Variants in DBH observed in about 807,000 individuals in gnomAD.
DBH encodes dopamine beta-hydroxylase.
Under a neutral mutation model 64.0 loss-of-function variants are expected in DBH, and 49 were observed. That is an observed-to-expected ratio of 0.77 (90% CI 0.61 to 0.97). DBH has a LOEUF of 0.97. Among genes scored for constraint, DBH ranks in the 50% least tolerant of loss-of-function variants. The pLI, the probability that DBH is intolerant of heterozygous loss-of-function variation, is 0.00. For missense variants in DBH, 828 were observed against 826.6 expected (o/e 1.00, Z -0.02); for synonymous variants, 343 against 347.1 (o/e 0.99, Z 0.13).
At position 133,656,670 on chromosome 9, in the gene DBH, G is replaced by T; in HGVS notation, c.1562+20G>T. Reference sequence around the variant, plus strand: ...CAACAGGTGAGGGCTCCCTGCACAAGCTCCCTGCCCCCAGGGAACCCCGAC... The same window carrying T: ...CAACAGGTGAGGGCTCCCTGCACAATCTCCCTGCCCCCAGGGAACCCCGAC... On this transcript the variant is annotated intron_variant, in intron 10 of 11. Coordinates refer to ENST00000393056, the MANE Select transcript of DBH (RefSeq NM_000787.4). 6.2e-7 allele frequency: 1 copy of T among 1,610,102 alleles called. No homozygotes were observed.
chr9:133,657,480 G>C lies in DBH; in HGVS notation c.1722+251G>C, dbSNP rs531947898. ...AGAGGGAGAGGGAGAGAGGGAGAGG[G>C]AGAGAGGAGAGAGAGAGGAGAGAGA... On this transcript the variant is annotated intron_variant, in intron 11 of 11. Coordinates refer to ENST00000393056, the MANE Select transcript of DBH (RefSeq NM_000787.4). 3.2e-3 allele frequency among the ~76,000 whole-genome samples: 472 copies of C among 147,722 alleles called. 1 individual carries two copies. The highest frequency in any genetic ancestry group is 0.012 in the African/African-American group (459 of 39,474).
chr9:133,650,055 C>T (rs115560105), intron 6 of DBH, among the ~76,000 whole-genome samples: 219 of 152,338 alleles, frequency 1.4e-3, no homozygotes, highest in African/African-American at 4.9e-3. Context: ...CCCAGAAGAG[C>T]ATAGTCCTCC....
At position 133,636,459 on chromosome 9, in the gene DBH, C is replaced by T. The variant is rs368414868; in HGVS notation, c.88C>T (p.Leu30=). ...GTACAGCACAGCAGTGGCCATCTTC[C>T]TGGTCATCCTGGTGGCCGCACTGCA... The part of the protein sequence containing the change: ...FMYSTAVAIF[L]VILVAALQGS... Residue 30 remains leucine (L), a synonymous_variant, in exon 1 of 12, where the codon CTG becomes TTG. Coordinates refer to ENST00000393056, the MANE Select transcript of DBH (RefSeq NM_000787.4). 1.6e-5 allele frequency: 25 copies of T among 1,612,760 alleles called. No homozygotes were observed. Among genetic ancestry groups the T allele is most frequent in the Non-Finnish European group, 1.9e-5 (22 of 1,179,704 alleles).
chr9:133,639,744 G>T, intron 1 of DBH, 102 bp from the exon 2 acceptor site: 1 of 1,308,410 alleles, frequency 7.6e-7, no homozygotes, highest in Non-Finnish European at 1.1e-6. Flanking sequence ...CCCCAGATCA[G>T]CTGGCAATGA....
intron 5 of DBH, 54 bp downstream of exon 5, chr9:133,644,374 A>G: frequency 9.7e-6 from 14 of 1,448,162 alleles, no homozygotes; most frequent in Non-Finnish European, 1.4e-5. Flanking sequence ...AGCTGTGTTG[A>G]GCCAGTGAGC....
Position 133,647,968 on chromosome 9 carries a change from G to T in DBH, c.1147G>T (p.Ala383Ser). The T allele has an allele frequency of 3.1e-6, 5 of 1,613,774 alleles. No individual in the cohort carries two copies. The highest frequency in any genetic ancestry group is 4.2e-6 in the Non-Finnish European group (5 of 1,179,966). ...PVMAIPPRET[A>S]FILTGYCTDK... Reference sequence around the variant, plus strand: ...GATGGCCATTCCACCACGGGAGACCGCCTTCATCCTCACTGGCTACTGCAC... The same window carrying T: ...GATGGCCATTCCACCACGGGAGACCTCCTTCATCCTCACTGGCTACTGCAC... Residue 383 changes from alanine to serine, a missense_variant, in exon 6 of 12, where the codon GCC becomes TCC. Transcript: ENST00000393056.
rs45439392 is a variant in DBH, at chr9:133,647,848, C to T, written c.1027C>T (p.Arg343Ter). The change falls in exon 6 of 12, where the codon CGA (arginine) becomes TGA (stop). Residue 343 changes from arginine (R) to a stop codon, truncating the protein, a stop_gained and splice_region_variant. Transcript: ENST00000393056. LOFTEE classifies it high-confidence loss of function. ...CCATCCATCCCACCTTCTCCCAGGA[C>T]GAAACGACTCCTCAGGCATCCGCTT... is the stretch of plus-strand genomic sequence containing the variant. ...HYHNPLVIEG[R>*]NDSSGIRLYY... 2.1e-5 allele frequency: 34 copies of T among 1,614,088 alleles called. No homozygotes were observed. The highest frequency in any genetic ancestry group is 1.8e-4 in the East Asian group (8 of 44,890).
chr9:133,652,265 A>G lies in DBH; in HGVS notation c.1355A>G (p.Lys452Arg). Reference protein sequence around the residue: ...PHFQEIRMLKKVVSVHPGDVL... With the variant: ...PHFQEIRMLKRVVSVHPGDVL... ...CCCCAGGAGATCCGCATGTTGAAGA[A>G]GGTCGTGTCGGTCCATCCGGTGAGT... is the stretch of plus-strand genomic sequence containing the variant. The change falls in exon 8 of 12, where the codon AAG (lysine) becomes AGG (arginine). Residue 452 changes from lysine to arginine, a missense_variant. Lys to Arg is a conservative substitution (Grantham distance 26, BLOSUM62 2). Coordinates refer to ENST00000393056, the MANE Select transcript of DBH (RefSeq NM_000787.4). 1.2e-6 allele frequency: 2 copies of G among 1,613,754 alleles called. No homozygotes were observed. Among genetic ancestry groups the G allele is most frequent in the Non-Finnish European group, 1.7e-6 (2 of 1,180,018 alleles).
intron 6 of DBH, among the ~76,000 whole-genome samples, chr9:133,650,425 TTTTC>T (rs1271466254): frequency 6.7e-6 from 1 of 149,030 alleles, no homozygotes; most frequent in Non-Finnish European, 1.5e-5. Context: ...AGACGTGTTC[TTTTC>T]TTTCCTTCTT....
intron 6 of DBH, among the ~76,000 whole-genome samples, chr9:133,648,700 T>C (rs2131289427): frequency 6.6e-6 from 1 of 152,322 alleles, no homozygotes; most frequent in East Asian, 1.9e-4. Flanking sequence ...AGGTTGGCGC[T>C]TAGACTGGCG....
Position 133,651,727 on chromosome 9 carries a change from C to T in DBH, c.1285C>T (p.Arg429Trp), listed in dbSNP as rs201083106. Residue 429 changes from arginine (R) to tryptophan (W), a missense_variant, in exon 7 of 12, where the codon CGG becomes TGG. Arg to Trp is a moderately radical substitution (Grantham distance 101, BLOSUM62 -3). Transcript: ENST00000393056. ...GGTCACAGTGCTGGTCCGGGACGGC[C>T]GGGAGTGGGAGATCGTGAACCAGGA... ...KVVTVLVRDG[R>W]EWEIVNQDNH... The T allele has an allele frequency of 2.2e-5, 35 of 1,613,842 alleles. No individual in the cohort carries two copies. In the East Asian group the frequency reaches 2.9e-4, roughly 13 times the overall value.
In DBH at chr9:133,636,465, A is replaced by G; in HGVS notation, c.94A>G (p.Ile32Val). ...YSTAVAIFLV[I>V]LVAALQGSAP... ...CACAGCAGTGGCCATCTTCCTGGTC[A>G]TCCTGGTGGCCGCACTGCAGGGCTC... The change falls in exon 1 of 12, where the codon ATC becomes GTC. Residue 32 changes from isoleucine (I) to valine (V), a missense_variant. By Grantham distance (29) the Ile-to-Val change is conservative. Transcript: ENST00000393056. The G allele has an allele frequency of 6.2e-7, 1 of 1,612,928 alleles. No individual in the cohort carries two copies. The highest frequency in any genetic ancestry group is 8.5e-7 in the Non-Finnish European group (1 of 1,179,698).
chr9:133,659,296 T>G lies in DBH; in HGVS notation c.*849T>G, dbSNP rs935490386. The G allele has an allele frequency of 1.3e-5, 2 of 152,228 alleles. No individual in the cohort carries two copies. Among genetic ancestry groups the G allele is most frequent in the African/African-American group, 4.8e-5 (2 of 41,452 alleles). The allele number at this position is 152,228 out of a possible 1,614,324, so 9.4% of individuals were successfully genotyped here. A position where few individuals can be genotyped will look rare whatever the true frequency, so the allele number is the denominator to read the frequency against. On this transcript the variant is annotated 3_prime_UTR_variant, in exon 12 of 12. Transcript: ENST00000393056. ...AAAACCAGGCTGATGCCGTGCGGGC[T>G]AATGAGCCAATAAAGCTCACACTTG...
chr9:133,643,279 A>G lies in DBH; in HGVS notation c.745-134A>G. On this transcript the variant is annotated intron_variant, in intron 3 of 11. Coordinates refer to ENST00000393056, the MANE Select transcript of DBH (RefSeq NM_000787.4). This position sits in a 1 kb window ranked among gnomAD's most constrained non-coding sequence, Gnocchi z 5.3. Reference sequence around the variant, plus strand: ...CTCCACCCTCAAGGCTGTGAACCCCAGAAGTGCCCCTGAAATTGTCTGGAT... The same window carrying G: ...CTCCACCCTCAAGGCTGTGAACCCCGGAAGTGCCCCTGAAATTGTCTGGAT... The G allele has an allele frequency of 1.1e-6, 1 of 924,890 alleles. No individual in the cohort carries two copies. The highest frequency in any genetic ancestry group is 1.4e-5 in the South Asian group (1 of 69,488). 57.3% of individuals were successfully genotyped at this position (924,890 alleles called of 1,614,324 possible).
At chr9:133,654,116 A>ATTTTATTTTATTTTATTTTATTT (rs10634261) in intron 9 of DBH, among the ~76,000 whole-genome samples, 4 of 151,314 alleles carry the variant, frequency 2.6e-5, no homozygotes, top group African/African-American at 9.7e-5. Flanking sequence ...ATTTTATTTT[A>ATTTTATTTTATTTTATTTTATTT]TATTTTATTT....
chr9:133,642,503 T>C, intron 3 of DBH, 39 bp downstream of exon 3: 1 of 1,571,704 alleles, frequency 6.4e-7, no homozygotes, highest in Non-Finnish European at 8.6e-7. Context: ...CGCCCAGCCC[T>C]GCCTTCCTCC....
At chr9:133,657,767 C>T (rs531861473) in intron 11 of DBH, among the ~76,000 whole-genome samples, 5 of 152,288 alleles carry the variant, frequency 3.3e-5, no homozygotes, top group Non-Finnish European at 1.5e-5. Context: ...GCCCACTGGG[C>T]TGTGGTCAGG....
At chr9:133,646,014 C>T (rs1302099909) in intron 5 of DBH, among the ~76,000 whole-genome samples, 1 of 152,136 alleles carries the variant, frequency 6.6e-6, no homozygotes, top group Non-Finnish European at 1.5e-5. Context: ...AGAAGATGGA[C>T]AGCAGAAAAG....
chr9:133,642,365 G>A lies in DBH; in HGVS notation c.645G>A (p.Glu215=). 6.2e-7 allele frequency: 1 copy of A among 1,614,172 alleles called. No individual in the cohort carries two copies. Among genetic ancestry groups the A allele is most frequent in the Non-Finnish European group, 8.5e-7 (1 of 1,180,016 alleles). The change falls in exon 3 of 12, where the codon GAG becomes GAA. Residue 215 remains glutamate (E), a synonymous_variant. Coordinates refer to ENST00000393056, the MANE Select transcript of DBH (RefSeq NM_000787.4). ...PELPSDACTM[E]VQAPNIQIPS... ...TGCCCTCAGACGCGTGCACCATGGA[G>A]GTCCAAGCTCCCAATATCCAGATCC...
Sources: gnomAD v4.1 joint callset for allele counts (sites outside exome capture counted in the v4.1 genomes callset) on GRCh38, gnomAD v4.1.1 for gene constraint, Gnocchi (gnomAD v3.1) non-coding constraint, MANE v1.5 for transcripts, NCBI Gene and HGNC (gene_info 2026-07-23, HGNC 2026-07-21) for gene names.